Variants in WWOX observed in about 807,000 individuals in gnomAD.
WWOX encodes the protein WW domain containing oxidoreductase, also known as WW domain-containing oxidoreductase.
Under a neutral mutation model 46.2 loss-of-function variants are expected in WWOX, and 69 were observed. The observed-to-expected ratio is 1.49, with a 90% CI of 1.23 to 1.82. The LOEUF is 1.82. WWOX is among the 40% of genes most tolerant of loss of function. The pLI is 0.00. For missense variants in WWOX, 919 were observed against 542.6 expected (o/e 1.69, Z -6.89); for synonymous variants, 359 against 202.6 (o/e 1.77, Z -6.56).
At chr16:78,226,674 G>GGT (rs1430344723) in intron 5 of WWOX, among the ~76,000 whole-genome samples, 1 of 152,046 alleles carries the variant, frequency 6.6e-6, no homozygotes, top group East Asian at 1.9e-4. Flanking sequence ...AGGTAACAGA[G>GGT]GTGTGCACCT....
intron 8 of WWOX, among the ~76,000 whole-genome samples, chr16:78,757,331 AGCACCC>A (rs1567539895): frequency 4.6e-5 from 2 of 43,366 alleles, no homozygotes; most frequent in Non-Finnish European, 1.0e-4. Flanking sequence ...CACCTACCCC[AGCACCC>A]CAGCACCCCA....
intron 8 of WWOX, among the ~76,000 whole-genome samples, chr16:78,717,777 G>A (rs907206090): frequency 1.3e-5 from 2 of 152,130 alleles, no homozygotes; most frequent in African/African-American, 4.8e-5. Flanking sequence ...GATGGAGGTA[G>A]GTGGGAACAT....
chr16:79,173,853 A>C (rs2050748507), intron 8 of WWOX, among the ~76,000 whole-genome samples: 1 of 152,212 alleles, frequency 6.6e-6, no homozygotes, highest in Non-Finnish European at 1.5e-5. Flanking sequence ...CTATATTAAA[A>C]GAAAGATGGA....
chr16:78,240,849 G>A (rs1158126061), intron 5 of WWOX, among the ~76,000 whole-genome samples: 2 of 152,214 alleles, frequency 1.3e-5, no homozygotes, highest in Non-Finnish European at 2.9e-5. Context: ...GAAGCGTTGA[G>A]TAAATGGGTC....
intron 8 of WWOX, among the ~76,000 whole-genome samples, chr16:78,940,128 G>A (rs1025390022): frequency 6.6e-6 from 1 of 152,076 alleles, no homozygotes; most frequent in Admixed American, 6.5e-5. Context: ...CGAGACTTGG[G>A]ACAATAATAT....
chr16:78,993,790 C>T (rs899117430), intron 8 of WWOX, among the ~76,000 whole-genome samples: 5 of 152,190 alleles, frequency 3.3e-5, no homozygotes, highest in African/African-American at 7.2e-5. Context: ...GGTGGCTTTT[C>T]GTGGTGCAGC....
chr16:78,966,569 T>G (rs574861747), intron 8 of WWOX, among the ~76,000 whole-genome samples: 70 of 152,340 alleles, frequency 4.6e-4, no homozygotes, highest in Admixed American at 7.8e-4. Flanking sequence ...TAAATTTTCC[T>G]TACTATAAGT....
intron 8 of WWOX, among the ~76,000 whole-genome samples, chr16:79,136,626 A>C (rs552468860): frequency 6.6e-6 from 1 of 152,280 alleles, no homozygotes; most frequent in East Asian, 1.9e-4. Flanking sequence ...CCTGCCCTTC[A>C]CTGGTGGTCA....
intron 6 of WWOX, among the ~76,000 whole-genome samples, chr16:78,417,727 G>A (rs79805552): frequency 0.015 from 2,246 of 152,278 alleles, 48 homozygotes; most frequent in East Asian, 0.062. Flanking sequence ...AGTCTAATGA[G>A]TGTTACAGGT....
intron 8 of WWOX, among the ~76,000 whole-genome samples, chr16:78,911,089 C>T (rs984862479): frequency 6.6e-6 from 1 of 152,010 alleles, no homozygotes; most frequent in African/African-American, 2.4e-5. Context: ...CCAGGGCCTC[C>T]CTTCTTGTTC....
chr16:78,771,526 C>G (rs570141715), intron 8 of WWOX, among the ~76,000 whole-genome samples: 4 of 152,222 alleles, frequency 2.6e-5, no homozygotes, highest in Admixed American at 6.5e-5. Flanking sequence ...AATCCCAGCA[C>G]TTTGGGAGGC....
intron 8 of WWOX, among the ~76,000 whole-genome samples, chr16:79,180,389 T>A (rs2050886804): frequency 6.6e-6 from 1 of 152,230 alleles, no homozygotes; most frequent in Non-Finnish European, 1.5e-5. Context: ...GTTAACAGGT[T>A]TATTTCTTCA....
intron 8 of WWOX, among the ~76,000 whole-genome samples, chr16:79,097,051 G>T (rs1567547983): frequency 6.6e-6 from 1 of 151,982 alleles, no homozygotes; most frequent in Non-Finnish European, 1.5e-5. Context: ...TCATTTAAAA[G>T]GTCAGGTTGG....
intron 8 of WWOX, among the ~76,000 whole-genome samples, chr16:78,883,339 G>T (rs1439183940): frequency 1.3e-5 from 2 of 152,168 alleles, no homozygotes; most frequent in Admixed American, 1.3e-4. Context: ...TCCTGGATTA[G>T]ACCCTGAATC....
chr16:78,885,753 A>C (rs1211549392), intron 8 of WWOX, among the ~76,000 whole-genome samples: 1 of 151,646 alleles, frequency 6.6e-6, no homozygotes, highest in East Asian at 1.9e-4. Flanking sequence ...TTTTTTTTTT[A>C]ACTGATAGTT....
At chr16:78,579,231 T>C (rs1253772826) in intron 8 of WWOX, among the ~76,000 whole-genome samples, 1 of 152,204 alleles carries the variant, frequency 6.6e-6, no homozygotes, top group Non-Finnish European at 1.5e-5. Flanking sequence ...AGGCAGGTTT[T>C]GCTTTGTTAT....
chr16:78,633,491 TG>T (rs1360021964), intron 8 of WWOX, among the ~76,000 whole-genome samples: 2 of 152,180 alleles, frequency 1.3e-5, no homozygotes, highest in Non-Finnish European at 2.9e-5. Flanking sequence ...TTCAGAACTT[TG>T]GTTAGGTCCT....
At chr16:78,117,231 G>A (rs1035615191) in intron 4 of WWOX, among the ~76,000 whole-genome samples, 3 of 152,172 alleles carry the variant, frequency 2.0e-5, no homozygotes, top group Non-Finnish European at 4.4e-5. Context: ...CTGCGGTCCA[G>A]TTGGAGGTTG....
intron 5 of WWOX, among the ~76,000 whole-genome samples, chr16:78,177,427 C>T (rs891978825): frequency 1.3e-5 from 2 of 152,086 alleles, no homozygotes; most frequent in African/African-American, 4.8e-5. Flanking sequence ...AGTGATACTC[C>T]CATGACTCAT....
Sources: gnomAD v4.1 joint callset for allele counts (sites outside exome capture counted in the v4.1 genomes callset) on GRCh38, gnomAD v4.1.1 for gene constraint, MANE v1.5 for transcripts, NCBI Gene and HGNC (gene_info 2026-07-23, HGNC 2026-07-21) for gene names.